Variants in ECD observed in about 807,000 individuals in gnomAD.
The protein encoded by ECD is protein ecdysoneless homolog.
A neutral mutation model predicts 77.2 loss-of-function variants in ECD; 59 were observed. The ratio of observed to expected loss-of-function variants is 0.76; its 90% CI spans 0.62 to 0.95. The LOEUF is 0.95. ECD is among the 40% of genes least tolerant of loss of function. The pLI, the probability that ECD is intolerant of heterozygous loss-of-function variation, is 0.00. For synonymous variants in ECD, 233 were observed against 267.4 expected (o/e 0.87, Z 1.26); for missense variants, 704 against 763.4 (o/e 0.92, Z 0.92).
In ECD at chr10:73,133,844, T is replaced by A. The variant is rs553440584; in HGVS notation, c.*739A>T. ...AAACAATTAAGTACAGTATCAGGTA[T>A]GAAATATCCAAAATAGGCAAATCCA... is the stretch of plus-strand genomic sequence containing the variant. On this transcript the variant is annotated 3_prime_UTR_variant, in exon 14 of 14. Transcript: ENST00000372979. The A allele has an allele frequency of 6.6e-6, 1 of 152,180 alleles. No homozygotes were observed. Among genetic ancestry groups the A allele is most frequent in the Non-Finnish European group, 1.5e-5 (1 of 68,040 alleles). The allele number at this position is 152,180 out of a possible 1,614,324, so 9.4% of individuals were successfully genotyped here.
chr10:73,154,449 C>T lies in ECD; in HGVS notation c.591-1G>A. 1 of 1,605,318 alleles carries T rather than the reference C, an allele frequency of 6.2e-7. No homozygotes were observed. Among genetic ancestry groups the T allele is most frequent in the Middle Eastern group, 1.7e-4 (1 of 6,022 alleles). ...TGAGGCCTGAATTTTTTCTGGGTACCTGGGACAGGTAACATAATTACTTTC... is the reference window on the plus strand; with the variant it reads ...TGAGGCCTGAATTTTTTCTGGGTACTTGGGACAGGTAACATAATTACTTTC... On this transcript the variant is annotated splice_acceptor_variant, in intron 5 of 13. Transcript: ENST00000372979. LOFTEE classifies it high-confidence loss of function.
chr10:73,160,693 A>C (rs1843364441), intron 2 of ECD, 142 bp from the exon 3 acceptor site: 1 of 552,780 alleles, frequency 1.8e-6, no homozygotes, highest in Non-Finnish European at 3.2e-6. Flanking sequence ...CTGAAGAAGA[A>C]GCCTACTCCT....
rs752166798 is a variant in ECD, at chr10:73,154,455, C to G, written c.591-7G>C. 6.3e-7 allele frequency: 1 copy of G among 1,599,770 alleles called. No individual in the cohort carries two copies. Among genetic ancestry groups the G allele is most frequent in the South Asian group, 1.1e-5 (1 of 89,364 alleles). Reference sequence around the variant, plus strand: ...CTGAATTTTTTCTGGGTACCTGGGACAGGTAACATAATTACTTTCATTTTA... The same window carrying G: ...CTGAATTTTTTCTGGGTACCTGGGAGAGGTAACATAATTACTTTCATTTTA... On this transcript the variant is annotated splice_region_variant and splice_polypyrimidine_tract_variant and intron_variant, in intron 5 of 13. Transcript: ENST00000372979.
intron 11 of ECD, 72 bp from the exon 12 acceptor site, chr10:73,138,142 C>A: frequency 8.9e-7 from 1 of 1,126,946 alleles, no homozygotes; most frequent in South Asian, 2.5e-5. Flanking sequence ...TAAAGTGGTG[C>A]CATTCTTAGG....
In ECD at chr10:73,152,292, C is replaced by T. The variant is rs1284786768; in HGVS notation, c.912+1G>A. The stretch of plus-strand genomic sequence containing the variant: ...AACAACATTTTCTGGTTCAACATTA[C>T]CAATTTCATGCCCAATTCATGGGCT... On this transcript the variant is annotated splice_donor_variant, in intron 7 of 13. Coordinates refer to ENST00000372979, the MANE Select transcript of ECD (RefSeq NM_007265.3). LOFTEE classifies it high-confidence loss of function. 2 of 1,612,102 alleles carry T rather than the reference C, an allele frequency of 1.2e-6. No individual in the cohort carries two copies. The highest frequency in any genetic ancestry group is 3.3e-5 in the Admixed American group (2 of 59,952).
intron 6 of ECD, among the ~76,000 whole-genome samples, chr10:73,152,784 C>T (rs1297945740): frequency 1.2e-4 from 18 of 151,900 alleles, no homozygotes; most frequent in African/African-American, 3.4e-4. Flanking sequence ...TGGTGGCGCA[C>T]GCCTCTAATC....
At position 73,152,540 on chromosome 10, in the gene ECD, A is replaced by T. The variant is rs1484693049; in HGVS notation, c.784-119T>A. On this transcript the variant is annotated intron_variant, in intron 6 of 13. Transcript: ENST00000372979. ...AAGCTTCATATTCATATGAAATGCA[A>T]AGAAGATTCAACCTATTCATTGCCT... 34 of 1,176,362 alleles carry T rather than the reference A, an allele frequency of 2.9e-5. No individual in the cohort carries two copies. In the East Asian group the frequency reaches 9.0e-4, roughly 31 times the overall value. The allele number at this position is 1,176,362 out of a possible 1,614,324, so 72.9% of individuals were successfully genotyped here. A position where few individuals can be genotyped will look rare whatever the true frequency, so the allele number is the denominator to read the frequency against.
intron 2 of ECD, among the ~76,000 whole-genome samples, chr10:73,162,287 G>A (rs536649864): frequency 4.6e-5 from 7 of 152,328 alleles, no homozygotes; most frequent in African/African-American, 1.4e-4. Context: ...AATAGATGTA[G>A]AGAAGGGGTC....
chr10:73,144,964 A>G lies in ECD; in HGVS notation c.1127+1312T>C, dbSNP rs937497331. Among the ~76,000 whole-genome samples, 19 of 152,292 alleles carry G rather than the reference A, an allele frequency of 1.2e-4. No homozygotes were observed. The Middle Eastern group carries it at 0.01, about 82-fold the overall frequency. On this transcript the variant is annotated intron_variant, in intron 9 of 13. Transcript: ENST00000372979. ...GCTTGAGGTGATGGAAAGCTTAATT[A>G]CCCTGATTTGATCATTATACATTGT... is the stretch of plus-strand genomic sequence containing the variant.
intron 9 of ECD, among the ~76,000 whole-genome samples, chr10:73,141,096 G>C (rs1474342199): frequency 1.3e-5 from 2 of 151,978 alleles, no homozygotes; most frequent in Non-Finnish European, 2.9e-5. Context: ...TTACAGATGA[G>C]AAAACCAGAA....
rs1481731988 is a variant in ECD, at chr10:73,157,419, A to G, written c.324-764T>C. Among the ~76,000 whole-genome samples the G allele has an allele frequency of 2.0e-5, 3 of 151,394 alleles. No homozygotes were observed. The East Asian group carries it at 5.9e-4, about 30-fold the overall frequency. On this transcript the variant is annotated intron_variant, in intron 3 of 13. Coordinates refer to ENST00000372979, the MANE Select transcript of ECD (RefSeq NM_007265.3). The stretch of plus-strand genomic sequence containing the variant: ...TCACATGGTTACATTTTTTAAAAAA[A>G]TGTATTAAAAGTTACATGGCCAGGT...
At chr10:73,158,144 A>G (rs1229189353) in intron 3 of ECD, among the ~76,000 whole-genome samples, 1 of 151,698 alleles carries the variant, frequency 6.6e-6, no homozygotes, top group Non-Finnish European at 1.5e-5. Flanking sequence ...TATTTTTAGT[A>G]GAGATGGGGT....
intron 9 of ECD, chr10:73,141,459 C>A: frequency 6.3e-6 from 1 of 159,366 alleles, no homozygotes; most frequent in Non-Finnish European, 1.4e-5. Flanking sequence ...TTGCAGTAAG[C>A]CAGGATCGCG....
intron 7 of ECD, among the ~76,000 whole-genome samples, chr10:73,151,240 G>A (rs979727650): frequency 6.6e-6 from 1 of 151,934 alleles, no homozygotes; most frequent in Non-Finnish European, 1.5e-5. Context: ...CATGGATGAA[G>A]CTGGAAACCA....
At chr10:73,154,540 C>A in intron 5 of ECD, 92 bp from the exon 6 acceptor site, 1 of 1,220,714 alleles carries the variant, frequency 8.2e-7, no homozygotes, top group Non-Finnish European at 1.1e-6. Flanking sequence ...TCTCTTTGTT[C>A]ATCAAGAGCA....
intron 9 of ECD, 119 bp from the exon 10 acceptor site, chr10:73,139,856 T>TTTTTTTTTTTTTTTTTTTTTTG: frequency 1.5e-6 from 1 of 675,348 alleles, no homozygotes; most frequent in Non-Finnish European, 2.3e-6. Context: ...AGTGTTTTTT[T>TTTTTTTTTTTTTTTTTTTTTTG]TTTTTTTTTT....
chr10:73,154,983 A>G (rs1843277025), intron 5 of ECD, among the ~76,000 whole-genome samples: 1 of 152,194 alleles, frequency 6.6e-6, no homozygotes, highest in African/African-American at 2.4e-5. Context: ...AATAAAGATA[A>G]AATCAGAGTT....
chr10:73,152,532 GA>G, intron 6 of ECD, 111 bp from the exon 7 acceptor site: 1 of 1,247,954 alleles, frequency 8.0e-7, no homozygotes, highest in Non-Finnish European at 1.1e-6. Flanking sequence ...ATATTCATAT[GA>G]AATGCAAAGA....
chr10:73,145,060 T>C (rs1278075910), intron 9 of ECD, among the ~76,000 whole-genome samples: 1 of 152,094 alleles, frequency 6.6e-6, no homozygotes, highest in Non-Finnish European at 1.5e-5. Context: ...GTATCCACAA[T>C]AATTAAAAAT....
Sources: gnomAD v4.1 joint callset for allele counts (sites outside exome capture counted in the v4.1 genomes callset) on GRCh38, gnomAD v4.1.1 for gene constraint, MANE v1.5 for transcripts, NCBI Gene and HGNC (gene_info 2026-07-23, HGNC 2026-07-21) for gene names.